ZAP70: variants seen among roughly 807,000 people sequenced by gnomAD.
The protein encoded by ZAP70 is tyrosine-protein kinase ZAP-70.
In ZAP70, 27 loss-of-function variants were observed where a neutral mutation model predicts 65.8. The observed-to-expected ratio is 0.41, with a 90% CI of 0.30 to 0.57. ZAP70 has a LOEUF of 0.57. Ranked by LOEUF, ZAP70 falls within the 20% of genes least tolerant of loss-of-function variation. ZAP70 has a pLI of 0.28. For missense variants in ZAP70, 696 were observed against 870.5 expected (o/e 0.80, Z 2.52); for synonymous variants, 363 against 360.8 (o/e 1.01, Z -0.07).
Position 97,724,972 on chromosome 2 carries a change from AAC to A in ZAP70, c.403-117_403-116del, listed in dbSNP as rs1677321684. The A allele has an allele frequency of 3.9e-6, 6 of 1,545,236 alleles. No individual in the cohort carries two copies. In the African/African-American group the frequency reaches 4.1e-5, roughly 11 times the overall value. ...GGAGGTAGTCCTCGAAAACCTGCCT[AAC>A]ACGCGCTAGGGACGCCTGGGTGGGG... On this transcript the variant is annotated intron_variant, in intron 3 of 13. Transcript: ENST00000264972.
Position 97,738,133 on chromosome 2 carries a change from G to A in ZAP70, c.1736+26G>A, listed in dbSNP as rs112057709. 7.2e-5 allele frequency: 113 copies of A among 1,566,228 alleles called. No individual in the cohort carries two copies. In the East Asian group the frequency reaches 1.7e-3, roughly 24 times the overall value. On this transcript the variant is annotated intron_variant, in intron 13 of 13. Coordinates refer to ENST00000264972, the MANE Select transcript of ZAP70 (RefSeq NM_001079.4). ...GTGAGTGCCAGTGGGGAGGGGACCC[G>A]GCTGGGCTGACCCCTGGAAAGTCCT...
chr2:97,724,637 T>G, intron 3 of ZAP70, 199 bp downstream of exon 3: 1 of 1,532,474 alleles, frequency 6.5e-7, no homozygotes, highest in Non-Finnish European at 8.7e-7. Flanking sequence ...GCGGTCGCCT[T>G]CCGCAGGCTG....
chr2:97,753,522 G>A, the ZAP70 span, among the ~76,000 whole-genome samples: 7 of 152,098 alleles, frequency 4.6e-5, no homozygotes, highest in African/African-American at 1.4e-4. Context: ...TGTGTTTCCC[G>A]GATGGCTAAA....
chr2:97,748,068 C>T, the ZAP70 span, among the ~76,000 whole-genome samples: 2 of 152,070 alleles, frequency 1.3e-5, no homozygotes. Context: ...TGGCCTGTAC[C>T]TAATCCACAA....
chr2:97,714,995 T>C (rs1040900874), intron 2 of ZAP70, among the ~76,000 whole-genome samples: 1 of 152,112 alleles, frequency 6.6e-6, no homozygotes, highest in Non-Finnish European at 1.5e-5. Flanking sequence ...CTCCCAGGGC[T>C]CTCGGGAGGA....
chr2:97,720,355 G>A (rs1319002999), intron 2 of ZAP70, among the ~76,000 whole-genome samples: 1 of 152,108 alleles, frequency 6.6e-6, no homozygotes, highest in East Asian at 1.9e-4. Flanking sequence ...AGCCTCCTGA[G>A]GAGCTGGGAC....
chr2:97,733,422 G>C, intron 7 of ZAP70, 79 bp downstream of exon 7: 1 of 1,595,506 alleles, frequency 6.3e-7, no homozygotes, highest in Non-Finnish European at 8.6e-7. Context: ...ATGGAGGCTG[G>C]GGTGCCTGTG....
intron 8 of ZAP70, 155 bp from the exon 9 acceptor site, chr2:97,734,365 G>C (rs1001220096): frequency 1.4e-6 from 2 of 1,439,686 alleles, no homozygotes; most frequent in Non-Finnish European, 1.8e-6. Context: ...CAGTGTGTGC[G>C]TGTGGATGTG....
At chr2:97,740,926 G>A (rs1195288788), downstream of ZAP70, among the ~76,000 whole-genome samples, 1 of 152,236 alleles carries the variant, frequency 6.6e-6, no homozygotes, top group Non-Finnish European at 1.5e-5. Flanking sequence ...TGGGACACCA[G>A]GGGGTCATCG....
chr2:97,748,539 CAGA>C, the ZAP70 span, among the ~76,000 whole-genome samples: 1 of 152,156 alleles, frequency 6.6e-6, no homozygotes, highest in African/African-American at 2.4e-5. Context: ...CTCCATGGAG[CAGA>C]AGAACCAGGG....
At chr2:97,730,359 A>G (rs951320699) in intron 4 of ZAP70, among the ~76,000 whole-genome samples, 6 of 152,168 alleles carry the variant, frequency 3.9e-5, no homozygotes, top group Admixed American at 2.0e-4. Context: ...TCATGTGGCC[A>G]CAGCCAGCTG....
rs144332926 is a variant in ZAP70, at chr2:97,726,636, A to G, written c.563+1384A>G. On this transcript the variant is annotated intron_variant, in intron 4 of 13. Transcript: ENST00000264972. ...GTAGATTGCCTGCAGGCCTCTTGCA[A>G]GATGCAGCTCCCTCTCCAAGATTCT... 5.9e-5 allele frequency among the ~76,000 whole-genome samples: 9 copies of G among 152,366 alleles called. No individual in the cohort carries two copies. The East Asian group carries it at 1.5e-3, about 26-fold the overall frequency.
At chr2:97,716,056 C>T (rs1676897427) in intron 2 of ZAP70, among the ~76,000 whole-genome samples, 1 of 152,084 alleles carries the variant, frequency 6.6e-6, no homozygotes, top group East Asian at 1.9e-4. Context: ...CTGACCCAGG[C>T]TGGGGAGGGG....
chr2:97,716,732 G>A (rs1676931367), intron 2 of ZAP70, among the ~76,000 whole-genome samples: 1 of 152,092 alleles, frequency 6.6e-6, no homozygotes. Flanking sequence ...GGTGGTGATG[G>A]GCATCATGAA....
At chr2:97,717,955 G>A (rs1369587585) in intron 2 of ZAP70, among the ~76,000 whole-genome samples, 1 of 152,194 alleles carries the variant, frequency 6.6e-6, no homozygotes, top group Non-Finnish European at 1.5e-5. Flanking sequence ...GTGCCCCGTG[G>A]CTGCTCTGCT....
chr2:97,736,272 A>G lies in ZAP70; in HGVS notation c.1289+816A>G, dbSNP rs1677876139. Among the ~76,000 whole-genome samples the G allele has an allele frequency of 6.6e-6, 1 of 152,056 alleles. No individual in the cohort carries two copies. The highest frequency in any genetic ancestry group is 6.5e-5 in the Admixed American group (1 of 15,274). On this transcript the variant is annotated intron_variant, in intron 10 of 13. Transcript: ENST00000264972. This position sits in a 1 kb window ranked among gnomAD's most constrained non-coding sequence, Gnocchi z 4.0. ...TCCTTACTATCCGGCCCTTTACTGA[A>G]AAGTTTTGCAGTTTCATTTGTGGTT...
In ZAP70 at chr2:97,737,618, G is replaced by A. The variant is rs1677952426; in HGVS notation, c.1435G>A (p.Asp479Asn). The A allele has an allele frequency of 1.2e-6, 2 of 1,613,982 alleles. No individual in the cohort carries two copies. Among genetic ancestry groups the A allele is most frequent in the Admixed American group, 1.7e-5 (1 of 59,990 alleles). The change falls in exon 11 of 14, where the codon GAC (aspartate) becomes AAC (asparagine). Residue 479 changes from aspartate (D) to asparagine (N), a missense_variant. Physicochemically the swap from Asp to Asn is conservative, Grantham distance 23. Around this residue, in one of 3 missense-constraint regions of ZAP70, gnomAD observed 67 missense variants for 151.9 expected, o/e 0.44. Coordinates refer to ENST00000264972, the MANE Select transcript of ZAP70 (RefSeq NM_001079.4). This position sits in a 1 kb window ranked among gnomAD's most constrained non-coding sequence, Gnocchi z 5.0. ...TAACCGGCACTACGCCAAGATCAGC[G>A]ACTTTGGCCTCTCCAAAGCACTGGG... ...LVNRHYAKIS[D>N]FGLSKALGAD...
chr2:97,724,896 G>A lies in ZAP70; in HGVS notation c.403-196G>A, dbSNP rs770351208. ...TGCGCTTGGGGCCGCGCTGGAAGGT[G>A]GGGGTGGTTCCTCCCTAGCTGGATT... On this transcript the variant is annotated intron_variant, in intron 3 of 13. Transcript: ENST00000264972. The A allele has an allele frequency of 3.9e-5, 60 of 1,532,994 alleles. 2 individuals are homozygous for A. In the South Asian group the frequency reaches 5.6e-4, roughly 14 times the overall value. The allele number at this position is 1,532,994 out of a possible 1,614,324, so 95.0% of individuals were successfully genotyped here.
chr2:97,727,223 G>A (rs1434913094), intron 4 of ZAP70, among the ~76,000 whole-genome samples: 1 of 152,286 alleles, frequency 6.6e-6, no homozygotes, highest in Admixed American at 6.5e-5. Context: ...GTCACTGTAG[G>A]GAAGGGATTC....
Sources: gnomAD v4.1 joint callset for allele counts (sites outside exome capture counted in the v4.1 genomes callset) on GRCh38, gnomAD v4.1.1 for gene constraint, gnomAD v4.1.1 regional missense constraint, Gnocchi (gnomAD v3.1) non-coding constraint, MANE v1.5 for transcripts, NCBI Gene and HGNC (gene_info 2026-07-23, HGNC 2026-07-21) for gene names.